The following EPB41L5 variants were observed in gnomAD, a reference collection of about 807,000 sequenced individuals.
EPB41L5 encodes the protein band 4.1-like protein 5.
Under a neutral mutation model 106.6 loss-of-function variants are expected in EPB41L5, and 55 were observed. The observed-to-expected ratio is 0.52, with a 90% confidence interval of 0.42 to 0.65. The LOEUF (loss-of-function observed/expected upper bound fraction) is 0.65, where lower values mean the gene tolerates loss of function less well. EPB41L5 is among the 30% of genes least tolerant of loss of function. The probability of loss-of-function intolerance (pLI) is 0.00; values close to 1 mark genes in which losing one functional copy is unlikely to be tolerated. For missense variants in EPB41L5, 871 were observed against 882.1 expected (o/e 0.99, Z 0.16); for synonymous variants, 297 against 306.7 (o/e 0.97, Z 0.33).
chr2:120,085,793 T>C (rs1183583524), intron 10 of EPB41L5, among the ~76,000 whole-genome samples: 1 of 152,240 alleles, frequency 6.6e-6, no homozygotes, highest in East Asian at 1.9e-4. Context: ...CAGCTTGTCC[T>C]GTGGGCAAAT....
rs553715778 is a variant in EPB41L5, at chr2:120,090,383, G to C, written c.910G>C (p.Asp304His). 2 of 1,611,812 alleles carry C rather than the reference G, an allele frequency of 1.2e-6. No individual in the cohort carries two copies. Among genetic ancestry groups the C allele is most frequent in the South Asian group, 1.1e-5 (1 of 90,458 alleles). ...EQEHTFVFRL[D>H]HPKACKHLWK... is the part of the protein sequence containing the mutation. ...GGAACATACATTTGTCTTTAGACTG[G>C]ATCATCCAAAAGCATGCAAACATTT... Residue 304 changes from aspartate to histidine, a missense_variant, in exon 12 of 25, where the codon GAT (aspartate) becomes CAT (histidine). By Grantham distance (81) the Asp-to-His change is moderately conservative. Coordinates refer to ENST00000263713, the MANE Select transcript of EPB41L5 (RefSeq NM_020909.4).
intron 11 of EPB41L5, among the ~76,000 whole-genome samples, chr2:120,088,107 A>G (rs1278411720): frequency 1.3e-5 from 2 of 152,226 alleles, no homozygotes; most frequent in Non-Finnish European, 2.9e-5. Flanking sequence ...GACACTATGT[A>G]TATGGGTATT....
rs567565872 is a variant in EPB41L5, at chr2:120,039,266, T to C, written c.181-2740T>C. Among the ~76,000 whole-genome samples the C allele has an allele frequency of 2.0e-5, 3 of 152,152 alleles. No individual in the cohort carries two copies. The East Asian group carries it at 5.8e-4, about 29-fold the overall frequency. Reference sequence around the variant, plus strand: ...AAAGTATTAATGGGAGAGAAGTTACTAGGGGTAATGGTGAGGGCAAGTGGG... The same window carrying C: ...AAAGTATTAATGGGAGAGAAGTTACCAGGGGTAATGGTGAGGGCAAGTGGG... On this transcript the variant is annotated intron_variant, in intron 2 of 24. Transcript: ENST00000263713.
intron 16 of EPB41L5, among the ~76,000 whole-genome samples, chr2:120,114,264 G>A (rs574432169): frequency 2.6e-5 from 4 of 152,302 alleles, no homozygotes; most frequent in South Asian, 4.1e-4. Flanking sequence ...TCTACAGACA[G>A]TTTCCAACTT....
rs574975230 is a variant in EPB41L5, at chr2:120,175,926, G to A, written c.*1019G>A. The A allele has an allele frequency of 6.6e-6, 1 of 152,130 alleles. No homozygotes were observed. Among genetic ancestry groups the A allele is most frequent in the Admixed American group, 6.5e-5 (1 of 15,274 alleles). The allele number at this position is 152,130 out of a possible 1,614,324, so 9.4% of individuals were successfully genotyped here. A position where few individuals can be genotyped will look rare whatever the true frequency, so the allele number is the denominator to read the frequency against. ...TAGGCAATAGGAACAGGGGTGAAGG[G>A]ATGTTGTTTCTTAAATACCTACCAT... On this transcript the variant is annotated 3_prime_UTR_variant, in exon 25 of 25. Coordinates refer to ENST00000263713, the MANE Select transcript of EPB41L5 (RefSeq NM_020909.4).
At position 120,176,947 on chromosome 2, in the gene EPB41L5, G is replaced by A. The variant is rs894052152; in HGVS notation, c.*2040G>A. On this transcript the variant is annotated 3_prime_UTR_variant, in exon 25 of 25. Coordinates refer to ENST00000263713, the MANE Select transcript of EPB41L5 (RefSeq NM_020909.4). ...TGTATTCTTGACAGTTAGAATATTG[G>A]TAGGGACTTTGTTAAAATTCACTTG... 6.6e-6 allele frequency: 1 copy of A among 152,208 alleles called. No homozygotes were observed. Among genetic ancestry groups the A allele is most frequent in the African/African-American group, 2.4e-5 (1 of 41,434 alleles). 9.4% of individuals were successfully genotyped at this position (152,208 alleles called of 1,614,324 possible).
intron 10 of EPB41L5, among the ~76,000 whole-genome samples, chr2:120,081,768 G>A (rs1682686791): frequency 6.6e-6 from 1 of 152,088 alleles, no homozygotes; most frequent in Admixed American, 6.5e-5. Context: ...ATTTGTTTGT[G>A]TCCTCTTTTA....
chr2:120,153,632 C>G (rs1158117897), intron 20 of EPB41L5, among the ~76,000 whole-genome samples: 2 of 152,130 alleles, frequency 1.3e-5, no homozygotes, highest in Non-Finnish European at 2.9e-5. Flanking sequence ...ATTTTCCCCC[C>G]TCAGTTCTTT....
intron 20 of EPB41L5, among the ~76,000 whole-genome samples, chr2:120,146,494 A>G (rs1686410425): frequency 6.6e-6 from 1 of 152,228 alleles, no homozygotes; most frequent in Non-Finnish European, 1.5e-5. Flanking sequence ...ATTCCCATTT[A>G]TCTTCAACTG....
intron 16 of EPB41L5, among the ~76,000 whole-genome samples, chr2:120,112,792 C>G (rs923072089): frequency 6.6e-6 from 1 of 152,190 alleles, no homozygotes; most frequent in Non-Finnish European, 1.5e-5. Flanking sequence ...AGACATTGTT[C>G]TGGAGGTACA....
At chr2:120,129,997 T>G (rs1386024721) in intron 17 of EPB41L5, among the ~76,000 whole-genome samples, 2 of 152,060 alleles carry the variant, frequency 1.3e-5, no homozygotes, top group Non-Finnish European at 2.9e-5. Flanking sequence ...AGTACAAAAA[T>G]TAGCCGGCCA....
intron 3 of EPB41L5, among the ~76,000 whole-genome samples, chr2:120,053,194 T>G (rs1680404913): frequency 6.6e-6 from 1 of 152,214 alleles, no homozygotes; most frequent in African/African-American, 2.4e-5. Flanking sequence ...CGTAAAGCAC[T>G]CCTTTGACAG....
At chr2:120,168,105 C>T (rs1687498876) in intron 24 of EPB41L5, 98 bp downstream of exon 24, 1 of 1,343,804 alleles carries the variant, frequency 7.4e-7, no homozygotes, top group African/African-American at 1.5e-5. Flanking sequence ...TCAATTCTTC[C>T]CTAACTGAAC....
chr2:120,173,256 A>G (rs545767924), intron 24 of EPB41L5, among the ~76,000 whole-genome samples: 4 of 143,246 alleles, frequency 2.8e-5, no homozygotes, highest in African/African-American at 9.8e-5. Context: ...AAAAGATAAG[A>G]AGGCAGGATT....
chr2:120,059,306 C>T (rs750032518), intron 3 of EPB41L5, among the ~76,000 whole-genome samples: 2 of 152,074 alleles, frequency 1.3e-5, no homozygotes, highest in Non-Finnish European at 2.9e-5. Context: ...TGACCTAAAC[C>T]TTATACCTAT....
chr2:120,133,312 A>G (rs975393293), intron 18 of EPB41L5, among the ~76,000 whole-genome samples: 7 of 152,148 alleles, frequency 4.6e-5, no homozygotes, highest in African/African-American at 1.7e-4. Flanking sequence ...GTGAACCATC[A>G]TAGTACCTGG....
chr2:120,156,227 C>T (rs977143264), intron 20 of EPB41L5, among the ~76,000 whole-genome samples: 9 of 152,144 alleles, frequency 5.9e-5, no homozygotes, highest in African/African-American at 2.2e-4. Context: ...GTCTGATGGT[C>T]CCCCAGGACC....
At chr2:120,037,505 A>G (rs1410089092) in intron 2 of EPB41L5, among the ~76,000 whole-genome samples, 2 of 152,206 alleles carry the variant, frequency 1.3e-5, no homozygotes, top group East Asian at 3.8e-4. Context: ...TTCAAAAGTT[A>G]CTACGAAACT....
intron 11 of EPB41L5, among the ~76,000 whole-genome samples, chr2:120,088,842 T>G (rs534910672): frequency 1.3e-5 from 2 of 152,326 alleles, no homozygotes; most frequent in African/African-American, 4.8e-5. Context: ...TTAGTACTTA[T>G]CTGTGTAGTT....
Sources: allele counts gnomAD v4.1 joint callset (sites outside exome capture counted in the v4.1 genomes callset), GRCh38; gene constraint gnomAD v4.1.1; transcripts MANE v1.5; gene names NCBI Gene and HGNC (gene_info 2026-07-23, HGNC 2026-07-21).